The following MKKS variants were observed in gnomAD, a reference collection of about 807,000 sequenced individuals.
The protein encoded by MKKS is molecular chaperone MKKS.
In MKKS, 29 loss-of-function variants were observed where a neutral mutation model predicts 33.2. The ratio of observed to expected loss-of-function variants is 0.87; its 90% CI spans 0.65 to 1.19. The LOEUF (loss-of-function observed/expected upper bound fraction) is 1.19, where lower values mean the gene tolerates loss of function less well. MKKS is among the 50% of genes most tolerant of loss of function. MKKS has a pLI of 0.00. For missense variants in MKKS, 661 were observed against 662.3 expected (o/e 1.00, Z 0.02); for synonymous variants, 260 against 244.0 (o/e 1.07, Z -0.61).
rs945662294 is a variant in MKKS, at chr20:10,413,902, T to C, written c.-388A>G. On this transcript the variant is annotated 5_prime_UTR_variant, in exon 3 of 6. Transcript: ENST00000347364. ...GTATTTTTCATCTCTTCTTTCGATA[T>C]GAAGCTCAGATTCAAAGCTGCTTCT... 7 of 420,468 alleles carry C rather than the reference T, an allele frequency of 1.7e-5. No individual in the cohort carries two copies. The highest frequency in any genetic ancestry group is 2.5e-5 in the Non-Finnish European group (6 of 238,232). 26.0% of individuals were successfully genotyped at this position (420,468 alleles called of 1,614,324 possible).
At chr20:10,428,942 G>C (rs1281226162) in intron 1 of MKKS, among the ~76,000 whole-genome samples, 2 of 152,084 alleles carry the variant, frequency 1.3e-5, no homozygotes, top group African/African-American at 2.4e-5. Context: ...TGTCTTTGGG[G>C]TTCTAACTTC....
chr20:10,407,794 T>G (rs2064853516), intron 4 of MKKS, 68 bp from the exon 5 acceptor site: 1 of 1,178,260 alleles, frequency 8.5e-7, no homozygotes, highest in African/African-American at 1.5e-5. Flanking sequence ...AATCATGCTC[T>G]CAAAGCATCA....
chr20:10,432,519 G>A (rs6108574), intron 1 of MKKS, among the ~76,000 whole-genome samples: 1 of 151,938 alleles, frequency 6.6e-6, no homozygotes, highest in African/African-American at 2.4e-5. Context: ...TAGGCCAGAC[G>A]CCGTGGGTCA....
intron 5 of MKKS, 134 bp downstream of exon 5, chr20:10,407,482 C>G: frequency 1.4e-6 from 1 of 740,444 alleles, no homozygotes; most frequent in Non-Finnish European, 2.4e-6. Context: ...GTATAACAAA[C>G]CTATACATGC....
intron 1 of MKKS, among the ~76,000 whole-genome samples, chr20:10,423,601 T>C (rs931529618): frequency 7.9e-5 from 12 of 152,184 alleles, no homozygotes. Flanking sequence ...TGTAATGACA[T>C]AGTATGAACC....
chr20:10,428,302 C>A (rs2065030010), intron 1 of MKKS, among the ~76,000 whole-genome samples: 1 of 152,122 alleles, frequency 6.6e-6, no homozygotes, highest in Non-Finnish European at 1.5e-5. Flanking sequence ...ATGCAGATAG[C>A]CAGATTGTTC....
intron 1 of MKKS, among the ~76,000 whole-genome samples, chr20:10,427,626 T>C (rs1039082355): frequency 3.9e-5 from 6 of 152,240 alleles, no homozygotes; most frequent in African/African-American, 1.4e-4. Context: ...TGGCATTTTT[T>C]CTGTGTACAC....
intron 2 of MKKS, among the ~76,000 whole-genome samples, chr20:10,415,307 A>ACTTC (rs1318051266): frequency 6.6e-6 from 1 of 152,230 alleles, no homozygotes; most frequent in African/African-American, 2.4e-5. Flanking sequence ...AGCCTAAAGT[A>ACTTC]CTTCCTAAAA....
At position 10,412,781 on chromosome 20, in the gene MKKS, C is replaced by A; in HGVS notation, c.734G>T (p.Cys245Phe). 1 of 1,614,150 alleles carries A rather than the reference C, an allele frequency of 6.2e-7. No individual in the cohort carries two copies. Residue 245 changes from cysteine (C) to phenylalanine (F), a missense_variant, in exon 3 of 6, where the codon TGT (cysteine) becomes TTT (phenylalanine). By Grantham distance (205) the Cys-to-Phe change is radical. Transcript: ENST00000347364. Reference protein sequence around the residue: ...KSTALKVALFCTTLSGDTSDT... With the variant: ...KSTALKVALFFTTLSGDTSDT... Reference sequence around the variant, plus strand: ...AGAAGTGTCTCCGGATAAAGTTGTACAAAAGAGTGCCACCTTGAGGGCAGT... The same window carrying A: ...AGAAGTGTCTCCGGATAAAGTTGTAAAAAAGAGTGCCACCTTGAGGGCAGT...
chr20:10,416,136 C>T (rs962967648), intron 2 of MKKS, among the ~76,000 whole-genome samples: 3 of 151,314 alleles, frequency 2.0e-5, no homozygotes, highest in African/African-American at 7.3e-5. Context: ...CTTGGATGCA[C>T]GGGCTTGGCA....
At chr20:10,417,674 A>ACT in intron 2 of MKKS, among the ~76,000 whole-genome samples, 1 of 151,160 alleles carries the variant, frequency 6.6e-6, no homozygotes, top group South Asian at 2.1e-4. Flanking sequence ...TTCTCTGTAA[A>ACT]AAAAAAAAAT....
Position 10,405,039 on chromosome 20 carries a change from T to C in MKKS, c.*208A>G, listed in dbSNP as rs2064831159. The C allele has an allele frequency of 4.5e-6, 2 of 445,694 alleles. No individual in the cohort carries two copies. The highest frequency in any genetic ancestry group is 4.0e-6 in the Non-Finnish European group (1 of 253,042). The allele number at this position is 445,694 out of a possible 1,614,324, so 27.6% of individuals were successfully genotyped here. On this transcript the variant is annotated 3_prime_UTR_variant, in exon 6 of 6. Coordinates refer to ENST00000347364, the MANE Select transcript of MKKS (RefSeq NM_170784.3). Reference sequence around the variant, plus strand: ...CTAAGATAACTATAATATTTTTAAATAAATAATGCTTCATATTTTTATTGT... The same window carrying C: ...CTAAGATAACTATAATATTTTTAAACAAATAATGCTTCATATTTTTATTGT...
At chr20:10,419,030 C>T (rs1389772152) in intron 2 of MKKS, among the ~76,000 whole-genome samples, 1 of 152,104 alleles carries the variant, frequency 6.6e-6, no homozygotes, top group African/African-American at 2.4e-5. Context: ...TCTTCCACTT[C>T]TGCTTATGAA....
intron 5 of MKKS, among the ~76,000 whole-genome samples, 185 bp downstream of exon 5, chr20:10,407,431 G>A (rs545930589): frequency 4.3e-4 from 66 of 152,100 alleles, no homozygotes; most frequent in Non-Finnish European, 5.3e-4. Context: ...ACTTTATTTA[G>A]ACTACTGAAA....
intron 2 of MKKS, among the ~76,000 whole-genome samples, chr20:10,418,924 T>A (rs2064960069): frequency 6.6e-6 from 1 of 152,190 alleles, no homozygotes; most frequent in African/African-American, 2.4e-5. Context: ...ACAAATTTTA[T>A]ATAGAATGTC....
intron 1 of MKKS, among the ~76,000 whole-genome samples, chr20:10,423,963 A>G (rs1049675725): frequency 2.0e-5 from 3 of 151,538 alleles, no homozygotes; most frequent in South Asian, 2.1e-4. Context: ...CAAATTCTCC[A>G]TATCTCATAT....
At position 10,401,799 on chromosome 20, in the gene MKKS, T is replaced by C. The variant is rs1266257055; in HGVS notation, c.*3448A>G. The C allele has an allele frequency of 6.6e-6, 1 of 152,176 alleles. No homozygotes were observed. Among genetic ancestry groups the C allele is most frequent in the Non-Finnish European group, 1.5e-5 (1 of 68,018 alleles). 9.4% of individuals were successfully genotyped at this position (152,176 alleles called of 1,614,324 possible). On this transcript the variant is annotated 3_prime_UTR_variant, in exon 6 of 6. Transcript: ENST00000347364. ...GTTCAAGGATACCTATAATAAAAGA[T>C]ATTAATGTGATATAGTTTAAATATC...
chr20:10,420,408 C>A (rs185266871), intron 2 of MKKS, 120 bp downstream of exon 2: 1 of 152,238 alleles, frequency 6.6e-6, no homozygotes, highest in East Asian at 1.9e-4. Flanking sequence ...CAGTGGGTCA[C>A]AATAAAAACA....
At position 10,426,106 on chromosome 20, in the gene MKKS, T is replaced by G. The variant is rs1460151631; in HGVS notation, c.-648-5348A>C. 3.3e-5 allele frequency among the ~76,000 whole-genome samples: 5 copies of G among 152,384 alleles called. No individual in the cohort carries two copies. In the East Asian group the frequency reaches 9.6e-4, roughly 29 times the overall value. ...ATTCAAAAGTTTCATATTTTTCATT[T>G]TGTTTTGCTTTCATAGCAACTTTAT... On this transcript the variant is annotated intron_variant, in intron 1 of 5. Transcript: ENST00000347364.
Sources: allele counts gnomAD v4.1 joint callset (sites outside exome capture counted in the v4.1 genomes callset), GRCh38; gene constraint gnomAD v4.1.1; transcripts MANE v1.5; gene names NCBI Gene and HGNC (gene_info 2026-07-23, HGNC 2026-07-21).